Variants in LCORL observed in about 807,000 individuals in gnomAD.
The protein encoded by LCORL is ligand-dependent nuclear receptor corepressor-like protein.
A neutral mutation model predicts 141.8 loss-of-function variants in LCORL; 41 were observed. The observed-to-expected ratio is 0.29, with a 90% CI of 0.23 to 0.38. The LOEUF (loss-of-function observed/expected upper bound fraction) is 0.38. Among genes scored for constraint, LCORL ranks in the 10% least tolerant of loss-of-function variants. The pLI, the probability that LCORL is intolerant of heterozygous loss-of-function variation, is 1.00. For synonymous variants in LCORL, 618 were observed against 694.1 expected (o/e 0.89, Z 1.72); for missense variants, 1,759 against 2,035.0 (o/e 0.86, Z 2.61).
chr4:17,854,877 T>A (rs1193153924), intron 7 of LCORL, among the ~76,000 whole-genome samples: 2 of 152,088 alleles, frequency 1.3e-5, no homozygotes, highest in African/African-American at 2.4e-5. Flanking sequence ...CAGTCTTGGG[T>A]TATAATCTTA....
At chr4:17,927,088 T>A (rs373884255) in intron 4 of LCORL, among the ~76,000 whole-genome samples, 3 of 152,232 alleles carry the variant, frequency 2.0e-5, no homozygotes, top group Non-Finnish European at 4.4e-5. Context: ...ATCAAAGACC[T>A]TAGCTAGACC....
intron 7 of LCORL, among the ~76,000 whole-genome samples, chr4:17,848,725 G>C (rs1483113419): frequency 2.6e-5 from 4 of 152,234 alleles, no homozygotes; most frequent in Non-Finnish European, 4.4e-5. Flanking sequence ...AGCAGGGCGA[G>C]GCATTGCCTC....
At chr4:17,848,525 T>C (rs1304479846) in intron 7 of LCORL, among the ~76,000 whole-genome samples, 1 of 152,152 alleles carries the variant, frequency 6.6e-6, no homozygotes. Flanking sequence ...AATTTTTAAA[T>C]TTTTTTGAAG....
intron 5 of LCORL, chr4:17,893,447 C>T (rs1417109053): frequency 5.6e-5 from 55 of 984,952 alleles, no homozygotes; most frequent in Non-Finnish European, 6.3e-5. Flanking sequence ...ATAAATTATG[C>T]AAACAGTTTA....
intron 2 of LCORL, among the ~76,000 whole-genome samples, chr4:17,967,497 ACT>A (rs1170774383): frequency 1.3e-5 from 2 of 152,178 alleles, no homozygotes; most frequent in East Asian, 3.9e-4. Flanking sequence ...GTACATGGAA[ACT>A]CTCTGTACTT....
chr4:17,860,930 G>C (rs1462775238), intron 7 of LCORL, among the ~76,000 whole-genome samples: 1 of 152,176 alleles, frequency 6.6e-6, no homozygotes, highest in Non-Finnish European at 1.5e-5. Flanking sequence ...TATAATAGGT[G>C]GGTTATCATG....
chr4:17,909,120 C>T (rs779332214), exon 5 of LCORL: 12 of 1,600,018 alleles, frequency 7.5e-6, no homozygotes, highest in Admixed American at 1.8e-5. Flanking sequence ...TTCTTGCATT[C>T]GATTCACAGT....
At chr4:17,870,509 T>G (rs1726218379) in intron 7 of LCORL, among the ~76,000 whole-genome samples, 4 of 152,166 alleles carry the variant, frequency 2.6e-5, no homozygotes. Flanking sequence ...TCGCTCTCTC[T>G]CTGATCATAG....
At chr4:17,866,652 AAAAAGTGGCAAG>A (rs1725697053) in intron 7 of LCORL, among the ~76,000 whole-genome samples, 1 of 152,194 alleles carries the variant, frequency 6.6e-6, no homozygotes, top group East Asian at 1.9e-4. Flanking sequence ...ACAAGAAAAA[AAAAAGTGGCAAG>A]ATGAAATCAT....
chr4:17,927,889 A>G (rs1735409314), intron 4 of LCORL, among the ~76,000 whole-genome samples: 1 of 152,250 alleles, frequency 6.6e-6, no homozygotes, highest in South Asian at 2.1e-4. Context: ...CGGCGCAAAC[A>G]GACTTGTTCA....
intron 2 of LCORL, among the ~76,000 whole-genome samples, chr4:17,963,350 T>C (rs528969272): frequency 2.6e-5 from 4 of 152,150 alleles, no homozygotes; most frequent in East Asian, 1.9e-4. Context: ...CAACTTATCA[T>C]TGTGCTTTAA....
intron 4 of LCORL, among the ~76,000 whole-genome samples, chr4:17,910,169 T>C (rs933363019): frequency 2.6e-5 from 4 of 152,162 alleles, no homozygotes; most frequent in African/African-American, 4.8e-5. Flanking sequence ...ACTTATATAA[T>C]TGGTAAAACA....
chr4:17,870,034 G>A (rs1726150007), intron 7 of LCORL, among the ~76,000 whole-genome samples: 1 of 151,904 alleles, frequency 6.6e-6, no homozygotes, highest in African/African-American at 2.4e-5. Flanking sequence ...TCACAATATG[G>A]GCTATGCTTC....
At chr4:18,001,574 G>GA (rs755985727) in intron 1 of LCORL, among the ~76,000 whole-genome samples, 1 of 152,160 alleles carries the variant, frequency 6.6e-6, no homozygotes, top group Non-Finnish European at 1.5e-5. Context: ...AAGTCAAGAA[G>GA]AAAGGGGCTA....
At chr4:17,847,660 T>C (rs2109088725) in intron 7 of LCORL, among the ~76,000 whole-genome samples, 1 of 152,324 alleles carries the variant, frequency 6.6e-6, no homozygotes, top group South Asian at 2.1e-4. Context: ...TTTTCATACA[T>C]ATTAGAAATG....
chr4:17,911,977 T>A (rs1382435325), intron 4 of LCORL: 1 of 623,178 alleles, frequency 1.6e-6, no homozygotes, highest in African/African-American at 1.8e-5. Flanking sequence ...CTTGGCCTCC[T>A]ACCTGGACAG....
chr4:17,938,486 G>A (rs1470883922), intron 4 of LCORL, among the ~76,000 whole-genome samples: 1 of 142,786 alleles, frequency 7.0e-6, no homozygotes, highest in South Asian at 2.2e-4. Flanking sequence ...GTGCGATCTC[G>A]GCTCACTGCA....
chr4:18,003,789 T>C (rs1451409611), intron 1 of LCORL, among the ~76,000 whole-genome samples: 1 of 152,200 alleles, frequency 6.6e-6, no homozygotes, highest in Non-Finnish European at 1.5e-5. Context: ...AACTGAAAAC[T>C]GACTTGAGGT....
At chr4:17,934,404 C>T (rs994268452) in intron 4 of LCORL, among the ~76,000 whole-genome samples, 1 of 151,926 alleles carries the variant, frequency 6.6e-6, no homozygotes, top group Non-Finnish European at 1.5e-5. Flanking sequence ...TAAAACAAAA[C>T]AAAAAATTGA....
Sources: allele counts gnomAD v4.1 joint callset (sites outside exome capture counted in the v4.1 genomes callset), GRCh38; gene constraint gnomAD v4.1.1; transcripts MANE v1.5; gene names NCBI Gene and HGNC (gene_info 2026-07-23, HGNC 2026-07-21).